Variants in ITPR2 observed in about 807,000 individuals in gnomAD.
ITPR2 encodes the protein inositol 1,4,5-trisphosphate-gated calcium channel ITPR2.
Under a neutral mutation model 317.1 loss-of-function variants are expected in ITPR2, and 207 were observed. That is an observed-to-expected ratio of 0.65 (90% confidence interval 0.58 to 0.73). ITPR2 has a LOEUF of 0.73. Among genes scored for constraint, ITPR2 ranks in the 30% least tolerant of loss-of-function variants. ITPR2 has a pLI of 0.00. For missense variants in ITPR2, 2,613 were observed against 3,284.0 expected, an observed-to-expected ratio of 0.80 and a Z score of 4.99; for synonymous variants, 1,156 against 1,149.1, an observed-to-expected ratio of 1.01 and a Z score of -0.12.
At chr12:26,534,472 A>G (rs995655426) in intron 37 of ITPR2, among the ~76,000 whole-genome samples, 1 of 152,194 alleles carries the variant, frequency 6.6e-6, no homozygotes, top group Non-Finnish European at 1.5e-5. Context: ...ATTTCACATG[A>G]TCTAGATAAA....
At chr12:26,351,197 G>A (rs932078251) in intron 55 of ITPR2, among the ~76,000 whole-genome samples, 1 of 152,192 alleles carries the variant, frequency 6.6e-6, no homozygotes, top group African/African-American at 2.4e-5. Flanking sequence ...CCAACATGAG[G>A]GTGAGAAACA....
At chr12:26,572,208 G>A (rs1945179125) in intron 34 of ITPR2, among the ~76,000 whole-genome samples, 1 of 152,122 alleles carries the variant, frequency 6.6e-6, no homozygotes, top group Admixed American at 6.5e-5. Flanking sequence ...GTTGTAAAAT[G>A]TCAGACAGAT....
chr12:26,648,162 T>C (rs1423206526), intron 21 of ITPR2, among the ~76,000 whole-genome samples: 1 of 149,958 alleles, frequency 6.7e-6, no homozygotes, highest in African/African-American at 2.4e-5. Context: ...ATCACTGGCA[T>C]CTAAAGCTAC....
chr12:26,416,056 G>A (rs1437035735), intron 50 of ITPR2, among the ~76,000 whole-genome samples: 1 of 152,058 alleles, frequency 6.6e-6, no homozygotes, highest in East Asian at 1.9e-4. Context: ...AAAACTATTT[G>A]GGAAATGCAA....
chr12:26,433,317 G>A (rs1424242915), intron 48 of ITPR2, among the ~76,000 whole-genome samples: 1 of 152,088 alleles, frequency 6.6e-6, no homozygotes, highest in Non-Finnish European at 1.5e-5. Context: ...TTTCCCAGAA[G>A]TAAAGTCTGC....
At chr12:26,771,103 T>C (rs1189818485) in intron 2 of ITPR2, among the ~76,000 whole-genome samples, 1 of 152,138 alleles carries the variant, frequency 6.6e-6, no homozygotes, top group African/African-American at 2.4e-5. Flanking sequence ...CATCTCAAGA[T>C]CCTTAATTTA....
At chr12:26,819,679 C>G (rs1473487792) in intron 1 of ITPR2, among the ~76,000 whole-genome samples, 1 of 151,924 alleles carries the variant, frequency 6.6e-6, no homozygotes, top group East Asian at 1.9e-4. Flanking sequence ...AAAATGCTTA[C>G]AAATTCACTC....
intron 37 of ITPR2, among the ~76,000 whole-genome samples, chr12:26,520,585 G>C (rs1943636892): frequency 6.6e-6 from 1 of 152,172 alleles, no homozygotes; most frequent in Non-Finnish European, 1.5e-5. Flanking sequence ...TCTCATCTAA[G>C]TTTTAAGTTA....
At chr12:26,429,776 T>C (rs544643383) in intron 48 of ITPR2, among the ~76,000 whole-genome samples, 1 of 152,390 alleles carries the variant, frequency 6.6e-6, no homozygotes, top group South Asian at 2.1e-4. Context: ...CCCCAAGTCA[T>C]ACAGCTTAGC....
intron 30 of ITPR2, among the ~76,000 whole-genome samples, chr12:26,598,762 A>G (rs1291434294): frequency 2.0e-5 from 3 of 152,198 alleles, no homozygotes; most frequent in African/African-American, 7.2e-5. Context: ...CACCCATTCT[A>G]TGTTTCAGAA....
intron 21 of ITPR2, among the ~76,000 whole-genome samples, chr12:26,634,631 A>G (rs1035431988): frequency 2.0e-5 from 3 of 152,162 alleles, no homozygotes; most frequent in Non-Finnish European, 4.4e-5. Flanking sequence ...CATGCCTGTA[A>G]TCCTAGCACT....
chr12:26,428,482 A>G (rs1303940402), intron 48 of ITPR2, among the ~76,000 whole-genome samples: 2 of 152,162 alleles, frequency 1.3e-5, no homozygotes, highest in African/African-American at 2.4e-5. Flanking sequence ...TTGAATTCAT[A>G]CCTTGTCTTG....
chr12:26,456,308 G>C (rs1041079461), intron 45 of ITPR2, among the ~76,000 whole-genome samples: 1 of 152,180 alleles, frequency 6.6e-6, no homozygotes, highest in Admixed American at 6.5e-5. Flanking sequence ...TAATTATATT[G>C]CATTGGCATG....
chr12:26,619,242 C>A (rs985098270), intron 26 of ITPR2, among the ~76,000 whole-genome samples: 1 of 152,188 alleles, frequency 6.6e-6, no homozygotes. Flanking sequence ...AATTCCATAT[C>A]CACCATAGTA....
At position 26,358,105 on chromosome 12, in the gene ITPR2, G is replaced by GTTTTCCCTTGA. The variant is rs1387865485; in HGVS notation, c.7858-17778_7858-17777insTCAAGGGAAAA. ...CTATGGATAAAGAATAAAGTCGTTC[G>GTTTTCCCTTGA]GCCGGGCGCGGTGGCTCACGCCTGT... is the stretch of plus-strand genomic sequence containing the variant. On this transcript the variant is annotated intron_variant, in intron 55 of 56. Transcript: ENST00000381340. Among the ~76,000 whole-genome samples the GTTTTCCCTTGA allele has an allele frequency of 2.2e-4, 2 of 8,986 alleles. 1 individual carries two copies. Among genetic ancestry groups the GTTTTCCCTTGA allele is most frequent in the African/African-American group, 6.8e-4 (2 of 2,946 alleles). The allele number at this position is 8,986 out of a possible 152,430, so 5.9% of individuals were successfully genotyped here.
At chr12:26,450,581 C>T (rs927902010) in intron 45 of ITPR2, among the ~76,000 whole-genome samples, 2 of 151,988 alleles carry the variant, frequency 1.3e-5, no homozygotes, top group Admixed American at 6.6e-5. Flanking sequence ...ACTGTGTGGT[C>T]TCAGCCAGAA....
intron 26 of ITPR2, among the ~76,000 whole-genome samples, chr12:26,605,556 G>A (rs1340547024): frequency 6.6e-6 from 1 of 152,102 alleles, no homozygotes; most frequent in East Asian, 1.9e-4. Flanking sequence ...TGTTAAAAAG[G>A]CAGGTGAAGC....
chr12:26,484,362 GT>G (rs879750077), intron 41 of ITPR2, among the ~76,000 whole-genome samples: 13 of 151,902 alleles, frequency 8.6e-5, no homozygotes, highest in African/African-American at 2.4e-4. Context: ...CAACTTCATT[GT>G]TCATTAATTA....
chr12:26,821,150 C>A (rs560723566), intron 1 of ITPR2, among the ~76,000 whole-genome samples: 239 of 152,146 alleles, frequency 1.6e-3, no homozygotes, highest in Non-Finnish European at 2.9e-3. Flanking sequence ...TATATTTTAT[C>A]GCAATTTACT....
Sources: gnomAD v4.1 joint callset for allele counts (sites outside exome capture counted in the v4.1 genomes callset) on GRCh38, gnomAD v4.1.1 for gene constraint, MANE v1.5 for transcripts, NCBI Gene and HGNC (gene_info 2026-07-23, HGNC 2026-07-21) for gene names.